Variants in ST7L observed in about 807,000 individuals in gnomAD.
ST7L encodes the protein suppressor of tumorigenicity 7 protein-like.
In ST7L, 57 loss-of-function variants were observed where a neutral mutation model predicts 72.5. That is an observed-to-expected ratio of 0.79 (90% CI 0.64 to 0.98). The LOEUF (loss-of-function observed/expected upper bound fraction) is 0.98, where lower values mean the gene tolerates loss of function less well. ST7L is among the 50% of genes least tolerant of loss of function. ST7L has a pLI of 0.00. For synonymous variants in ST7L, 221 were observed against 240.9 expected (o/e 0.92, Z 0.77); for missense variants, 576 against 672.2 (o/e 0.86, Z 1.58).
intron 14 of ST7L, among the ~76,000 whole-genome samples, chr1:112,532,277 G>C (rs541405487): frequency 2.6e-5 from 4 of 152,282 alleles, no homozygotes; most frequent in Admixed American, 2.6e-4. Flanking sequence ...ATCTCACTGT[G>C]ACTGAAGGAA....
intron 5 of ST7L, among the ~76,000 whole-genome samples, chr1:112,595,853 T>C (rs1205849347): frequency 6.6e-6 from 1 of 152,240 alleles, no homozygotes; most frequent in African/African-American, 2.4e-5. Context: ...TTCTCTATGA[T>C]TATTTAACCT....
At chr1:112,517,858 T>G in the ST7L span, 1 of 158,436 alleles carries the variant, frequency 6.3e-6, no homozygotes, top group Non-Finnish European at 1.4e-5. Context: ...AAACTAGAAT[T>G]TAAGCTGCTC....
chr1:112,561,378 CAAA>C (rs33953697), intron 11 of ST7L, among the ~76,000 whole-genome samples: 6 of 90,554 alleles, frequency 6.6e-5, no homozygotes, highest in Admixed American at 2.4e-4. Context: ...CTCCCTGCCT[CAAA>C]AAAAAAAAAA....
intron 9 of ST7L, among the ~76,000 whole-genome samples, chr1:112,580,204 A>G (rs1558012398): frequency 6.6e-6 from 1 of 152,324 alleles, no homozygotes; most frequent in East Asian, 1.9e-4. Flanking sequence ...GCTGGAATAC[A>G]GTGGTGCAAT....
intron 11 of ST7L, among the ~76,000 whole-genome samples, chr1:112,562,319 G>A (rs1660295762): frequency 1.3e-5 from 2 of 152,104 alleles, no homozygotes; most frequent in Non-Finnish European, 2.9e-5. Context: ...CCAAACTACA[G>A]ATATGTCTGT....
At chr1:112,587,811 C>T (rs1665087764) in intron 6 of ST7L, among the ~76,000 whole-genome samples, 1 of 152,100 alleles carries the variant, frequency 6.6e-6, no homozygotes, top group Non-Finnish European at 1.5e-5. Flanking sequence ...TCTTGCAGTT[C>T]TGTATGAATT....
chr1:112,568,767 C>T (rs1169926443), intron 11 of ST7L, among the ~76,000 whole-genome samples: 2 of 148,716 alleles, frequency 1.3e-5, no homozygotes, highest in African/African-American at 2.5e-5. Context: ...CCTAGCACTT[C>T]GGGAAGCTGA....
downstream of ST7L, chr1:112,523,319 A>G (rs1186439104): frequency 6.6e-6 from 1 of 151,748 alleles, no homozygotes; most frequent in African/African-American, 2.4e-5. Context: ...CAAGCTGTCC[A>G]GAGAGTGAGA....
chr1:112,614,651 TA>T (rs903021221), intron 2 of ST7L, among the ~76,000 whole-genome samples: 4 of 151,280 alleles, frequency 2.6e-5, no homozygotes, highest in South Asian at 2.1e-4. Flanking sequence ...CACCTAGAGA[TA>T]AAAAAAAGAA....
At chr1:112,551,249 C>T (rs80276383) in intron 12 of ST7L, among the ~76,000 whole-genome samples, 4 of 148,354 alleles carry the variant, frequency 2.7e-5, no homozygotes, top group African/African-American at 7.5e-5. Context: ...CCTGGGTTCA[C>T]GCCATTCTCC....
rs961497977 is a variant in ST7L at position 112,525,320 on chromosome 1, C to G, written c.*693G>C. On this transcript the variant is annotated 3_prime_UTR_variant, in exon 15 of 15. Transcript: ENST00000358039. ...GGTGGCTTTATTAGGGTAAATATAT[C>G]ACAGTTGCTACAGTGAATTGAGCTT... 1 of 152,170 alleles carries G rather than the reference C, an allele frequency of 6.6e-6. No individual in the cohort carries two copies. Among genetic ancestry groups the G allele is most frequent in the African/African-American group, 2.4e-5 (1 of 41,422 alleles). 9.4% of individuals were successfully genotyped at this position (152,170 alleles called of 1,614,324 possible).
chr1:112,520,650 A>G, downstream of ST7L: 1 of 875,180 alleles, frequency 1.1e-6, no homozygotes, highest in Non-Finnish European at 1.8e-6. Flanking sequence ...ATCCATAGGG[A>G]CCATGGTGTC....
chr1:112,619,607 T>G (rs1670500893), upstream of ST7L: 1 of 554,608 alleles, frequency 1.8e-6, no homozygotes, highest in Non-Finnish European at 3.2e-6. Context: ...GGGAAATGAG[T>G]GTAACTCATT....
chr1:112,526,185 G>A, intron 14 of ST7L, 74 bp from the exon 15 acceptor site: 1 of 1,597,450 alleles, frequency 6.3e-7, no homozygotes, highest in Non-Finnish European at 8.5e-7. Flanking sequence ...GTATATCTGA[G>A]CACAGTTTAC....
intron 14 of ST7L, chr1:112,527,195 A>G (rs567710289): frequency 6.6e-6 from 1 of 152,420 alleles, no homozygotes; most frequent in African/African-American, 2.4e-5. Flanking sequence ...CTGCACCCCA[A>G]CTGTTAAGAC....
At chr1:112,574,216 CTTTT>C (rs749479758) in intron 11 of ST7L, among the ~76,000 whole-genome samples, 1 of 127,094 alleles carries the variant, frequency 7.9e-6, no homozygotes, top group Non-Finnish European at 1.7e-5. Flanking sequence ...TGCGCCCGGA[CTTTT>C]TTTTTTTTTT....
In ST7L at chr1:112,548,682, G is replaced by A. The variant is rs550958310; in HGVS notation, c.1489+1919C>T. On this transcript the variant is annotated intron_variant, in intron 13 of 14. Transcript: ENST00000358039. ...AGGTTTATATCACATAAGAAAACATGGTCCTAGTGTTTATAGCCTTCGGCA... is the reference window on the plus strand; with the variant it reads ...AGGTTTATATCACATAAGAAAACATAGTCCTAGTGTTTATAGCCTTCGGCA... Among the ~76,000 whole-genome samples the A allele has an allele frequency of 1.1e-3, 170 of 152,272 alleles. 3 individuals carry two copies. Among genetic ancestry groups the A allele is most frequent in the Non-Finnish European group, 1.5e-3 (99 of 68,016 alleles).
intron 8 of ST7L, 65 bp from the exon 9 acceptor site, chr1:112,582,171 A>T (rs2101879037): frequency 2.4e-6 from 3 of 1,227,704 alleles, no homozygotes; most frequent in South Asian, 2.6e-5. Flanking sequence ...GCTGAGCCAG[A>T]TTCATTAAGT....
chr1:112,554,172 T>C (rs1658716589), intron 12 of ST7L, among the ~76,000 whole-genome samples: 1 of 152,240 alleles, frequency 6.6e-6, no homozygotes, highest in Admixed American at 6.5e-5. Flanking sequence ...TTTTGAATTT[T>C]TACTGATAGC....
Sources: allele counts gnomAD v4.1 joint callset (sites outside exome capture counted in the v4.1 genomes callset), GRCh38; gene constraint gnomAD v4.1.1; transcripts MANE v1.5; gene names NCBI Gene and HGNC (gene_info 2026-07-23, HGNC 2026-07-21).